The following CCDC171 variants were observed in gnomAD, a reference collection of about 807,000 sequenced individuals.
The protein encoded by CCDC171 is coiled-coil domain-containing protein 171.
A neutral mutation model predicts 168.2 loss-of-function variants in CCDC171; 177 were observed. That is an observed-to-expected ratio of 1.05 (90% CI 0.93 to 1.19). The LOEUF is 1.19. Among genes scored for constraint, CCDC171 ranks in the 50% most tolerant of loss-of-function variants. CCDC171 has a pLI of 0.00. For missense variants in CCDC171, 1,991 were observed against 1,539.0 expected (o/e 1.29, Z -4.91); for synonymous variants, 687 against 540.8 (o/e 1.27, Z -3.75).
intron 6 of CCDC171, among the ~76,000 whole-genome samples, chr9:15,613,181 G>A (rs2043826512): frequency 1.3e-5 from 2 of 152,158 alleles, no homozygotes; most frequent in African/African-American, 4.8e-5. Context: ...ATGTTTGAGA[G>A]TTCCAGTTTC....
intron 3 of CCDC171, among the ~76,000 whole-genome samples, chr9:15,574,574 A>G (rs979570972): frequency 6.6e-6 from 1 of 152,170 alleles, no homozygotes; most frequent in South Asian, 2.1e-4. Context: ...CCATTGAGCC[A>G]CTGTGCCTGG....
intron 7 of CCDC171, among the ~76,000 whole-genome samples, chr9:15,632,343 G>A (rs927321092): frequency 6.6e-6 from 1 of 151,884 alleles, no homozygotes; most frequent in African/African-American, 2.4e-5. Flanking sequence ...CAAAATCAAT[G>A]TACAAAAATC....
intron 6 of CCDC171, among the ~76,000 whole-genome samples, chr9:15,604,526 C>T (rs759577587): frequency 1.3e-4 from 20 of 152,130 alleles, no homozygotes; most frequent in Admixed American, 3.3e-4. Flanking sequence ...TACAGTTATC[C>T]TTTCCTTATT....
intron 6 of CCDC171, among the ~76,000 whole-genome samples, chr9:15,611,754 G>A (rs998725628): frequency 6.6e-6 from 1 of 152,118 alleles, no homozygotes; most frequent in African/African-American, 2.4e-5. Context: ...GAGGCAACCC[G>A]AGAGTGTAAA....
chr9:15,612,585 A>G (rs1480265223), intron 6 of CCDC171, among the ~76,000 whole-genome samples: 1 of 151,986 alleles, frequency 6.6e-6, no homozygotes, highest in East Asian at 1.9e-4. Flanking sequence ...TTTAGTATTA[A>G]AAGTATTTTG....
At chr9:15,917,923 C>G (rs1036065129) in intron 24 of CCDC171, among the ~76,000 whole-genome samples, 1 of 151,804 alleles carries the variant, frequency 6.6e-6, no homozygotes, top group East Asian at 1.9e-4. Context: ...CCACATATTT[C>G]AGATTGTCTC....
intron 21 of CCDC171, among the ~76,000 whole-genome samples, chr9:15,814,602 C>G (rs1178363650): frequency 6.8e-6 from 1 of 146,446 alleles, no homozygotes; most frequent in Non-Finnish European, 1.5e-5. Flanking sequence ...TAAAGTTTTT[C>G]TTTTTTTTCT....
At chr9:16,067,388 A>G in the CCDC171 span, among the ~76,000 whole-genome samples, 1 of 152,134 alleles carries the variant, frequency 6.6e-6, no homozygotes, top group African/African-American at 2.4e-5. Context: ...GTAGGTCGCG[A>G]AAATTGTCTC....
intron 25 of CCDC171, among the ~76,000 whole-genome samples, chr9:15,951,266 A>C (rs575935111): frequency 3.4e-5 from 5 of 147,484 alleles, no homozygotes; most frequent in African/African-American, 1.2e-4. Flanking sequence ...GCTCTGCACC[A>C]AGTGGACCTA....
At chr9:15,889,293 G>C (rs978587433) in intron 24 of CCDC171, among the ~76,000 whole-genome samples, 13 of 151,964 alleles carry the variant, frequency 8.6e-5, no homozygotes, top group Non-Finnish European at 1.8e-4. Flanking sequence ...TGGTTCCAAG[G>C]GTTTCAGATA....
chr9:15,592,532 T>C (rs1323178880), intron 5 of CCDC171, among the ~76,000 whole-genome samples: 1 of 152,188 alleles, frequency 6.6e-6, no homozygotes, highest in Non-Finnish European at 1.5e-5. Context: ...TCAGCAAATT[T>C]ACTTTTGATT....
chr9:15,561,266 G>A (rs1164636027), intron 1 of CCDC171, among the ~76,000 whole-genome samples: 3 of 152,186 alleles, frequency 2.0e-5, no homozygotes, highest in African/African-American at 7.2e-5. Flanking sequence ...AGGGAGTTTT[G>A]TGACAGTTGG....
intron 6 of CCDC171, among the ~76,000 whole-genome samples, chr9:16,023,859 A>G (rs745314480): frequency 8.9e-5 from 10 of 111,818 alleles, no homozygotes; most frequent in Non-Finnish European, 1.4e-4. Flanking sequence ...CCCCACAAAG[A>G]TATCCACTCC....
chr9:15,701,055 A>T (rs187147386), intron 11 of CCDC171, among the ~76,000 whole-genome samples: 1 of 151,958 alleles, frequency 6.6e-6, no homozygotes. Context: ...ATGTCTACTT[A>T]TGTCCTTTGC....
intron 25 of CCDC171, among the ~76,000 whole-genome samples, chr9:15,965,495 A>C (rs1048628664): frequency 6.6e-5 from 10 of 152,204 alleles, no homozygotes; most frequent in African/African-American, 2.4e-4. Context: ...GTGGCAATTT[A>C]TTCTGCTCTT....
chr9:15,722,867 T>A (rs1198034613), intron 12 of CCDC171, among the ~76,000 whole-genome samples: 1 of 152,188 alleles, frequency 6.6e-6, no homozygotes, highest in Non-Finnish European at 1.5e-5. Flanking sequence ...TCTTTCCCAG[T>A]GAGACAAGAC....
chr9:15,641,283 T>C (rs1293390967), intron 7 of CCDC171, among the ~76,000 whole-genome samples: 2 of 152,232 alleles, frequency 1.3e-5, no homozygotes, highest in Admixed American at 6.5e-5. Flanking sequence ...TATGTACTCA[T>C]GATAATTCAT....
chr9:15,709,871 A>G (rs1030201976), intron 11 of CCDC171, among the ~76,000 whole-genome samples: 1 of 152,170 alleles, frequency 6.6e-6, no homozygotes, highest in African/African-American at 2.4e-5. Flanking sequence ...AAATATGTAC[A>G]AAAGGAGGCA....
At chr9:15,657,324 G>C in intron 8 of CCDC171, 105 bp downstream of exon 8, 3 of 640,272 alleles carry the variant, frequency 4.7e-6, no homozygotes, top group East Asian at 5.8e-5. Flanking sequence ...ATTGAGAATG[G>C]GTAACATATT....
Sources: gnomAD v4.1 joint callset for allele counts (sites outside exome capture counted in the v4.1 genomes callset) on GRCh38, gnomAD v4.1.1 for gene constraint, MANE v1.5 for transcripts, NCBI Gene and HGNC (gene_info 2026-07-23, HGNC 2026-07-21) for gene names.